Variants in SMYD1 observed in about 807,000 individuals in gnomAD.
SMYD1 encodes histone-lysine N-methyltransferase SMYD1.
SMYD1 carries 49 observed loss-of-function variants against 54.0 expected under a neutral mutation model. The ratio of observed to expected loss-of-function variants is 0.91; its 90% CI spans 0.72 to 1.15. The LOEUF (loss-of-function observed/expected upper bound fraction) is 1.15. Among genes scored for constraint, SMYD1 ranks in the 50% most tolerant of loss-of-function variants. The pLI is 0.00. For synonymous variants in SMYD1, 269 were observed against 234.2 expected, an observed-to-expected ratio of 1.15 and a Z score of -1.36; for missense variants, 653 against 639.6, an observed-to-expected ratio of 1.02 and a Z score of -0.23.
At chr2:88,075,887 T>C (rs188833038) in intron 1 of SMYD1, among the ~76,000 whole-genome samples, 3 of 152,236 alleles carry the variant, frequency 2.0e-5, no homozygotes, top group African/African-American at 4.8e-5. Flanking sequence ...AGTGCAAACA[T>C]GAATCTCATG....
At chr2:88,103,619 A>T (rs999324555) in intron 7 of SMYD1, among the ~76,000 whole-genome samples, 5 of 152,124 alleles carry the variant, frequency 3.3e-5, no homozygotes, top group Non-Finnish European at 7.3e-5. Context: ...CCTTTGAAAA[A>T]TTTTGATGCT....
intron 7 of SMYD1, among the ~76,000 whole-genome samples, chr2:88,104,003 G>A (rs1465434505): frequency 2.8e-5 from 4 of 142,532 alleles, no homozygotes; most frequent in African/African-American, 1.1e-4. Context: ...GTCTCGCTCT[G>A]TCACCCAGGC....
At chr2:88,096,236 T>C (rs1674582397) in intron 5 of SMYD1, among the ~76,000 whole-genome samples, 1 of 152,214 alleles carries the variant, frequency 6.6e-6, no homozygotes, top group African/African-American at 2.4e-5. Context: ...TTTTGCCTTA[T>C]TATTTCTCCC....
In SMYD1 at chr2:88,090,993, C is replaced by T. The variant is rs1388582931; in HGVS notation, c.529-19C>T. ...GTCCATGTCTGTCGACTGACTCTTT[C>T]ATCTTTTCCCCTGGGTAGATTAACT... On this transcript the variant is annotated intron_variant, in intron 3 of 9. Transcript: ENST00000419482. The T allele has an allele frequency of 1.2e-6, 2 of 1,605,822 alleles. No individual in the cohort carries two copies. Among genetic ancestry groups the T allele is most frequent in the South Asian group, 1.1e-5 (1 of 90,048 alleles).
chr2:88,106,254 A>G, intron 7 of SMYD1, 71 bp from the exon 8 acceptor site: 2 of 1,563,554 alleles, frequency 1.3e-6, no homozygotes, highest in East Asian at 2.3e-5. Context: ...TATCACCATG[A>G]TGGTCGCGTA....
intron 2 of SMYD1, 113 bp downstream of exon 2, chr2:88,084,605 C>A (rs1349380137): frequency 9.7e-7 from 1 of 1,029,534 alleles, no homozygotes; most frequent in Non-Finnish European, 1.4e-6. Flanking sequence ...AGTCAGGAAA[C>A]AGCCTCAAAG....
chr2:88,068,536 T>G (rs1673880149), intron 1 of SMYD1, among the ~76,000 whole-genome samples: 1 of 152,132 alleles, frequency 6.6e-6, no homozygotes, highest in Non-Finnish European at 1.5e-5. Context: ...TTCAATGTAT[T>G]TCCTTCTAGA....
intron 5 of SMYD1, among the ~76,000 whole-genome samples, chr2:88,095,307 T>C (rs1288697184): frequency 6.6e-6 from 1 of 152,212 alleles, no homozygotes; most frequent in African/African-American, 2.4e-5. Context: ...ACTTCAGTTT[T>C]GCAGGCTCCA....
rs559529045 is a variant in SMYD1, at chr2:88,109,285, C to T, written c.1314+746C>T. Reference sequence around the variant, plus strand: ...GCATGTGTGCGTGTGTGCATGCACACAGCCATTTATATTAGAAAGTATTCT... The same window carrying T: ...GCATGTGTGCGTGTGTGCATGCACATAGCCATTTATATTAGAAAGTATTCT... On this transcript the variant is annotated intron_variant, in intron 9 of 9. Coordinates refer to ENST00000419482, the MANE Select transcript of SMYD1 (RefSeq NM_198274.4). 5.4e-5 allele frequency among the ~76,000 whole-genome samples: 5 copies of T among 91,934 alleles called. No homozygotes were observed. The East Asian group carries it at 1.8e-3, about 34-fold the overall frequency. 60.3% of individuals were successfully genotyped at this position (91,934 alleles called of 152,430 possible).
At position 88,112,059 on chromosome 2, in the gene SMYD1, A is replaced by G. The variant is rs1273311554; in HGVS notation, c.*1547A>G. 1.4e-6 allele frequency: 1 copy of G among 703,142 alleles called. No homozygotes were observed. 43.6% of individuals were successfully genotyped at this position (703,142 alleles called of 1,614,324 possible). A position where few individuals can be genotyped will look rare whatever the true frequency, so the allele number is the denominator to read the frequency against. ...GGCCACACTTTTGCAAAATACTTGTATCTGACACTTAGGTCTTGTTTGAAG... is the reference window on the plus strand; with the variant it reads ...GGCCACACTTTTGCAAAATACTTGTGTCTGACACTTAGGTCTTGTTTGAAG... On this transcript the variant is annotated 3_prime_UTR_variant, in exon 10 of 10. Transcript: ENST00000419482.
At chr2:88,081,082 T>C (rs1001701913) in intron 1 of SMYD1, among the ~76,000 whole-genome samples, 1 of 152,124 alleles carries the variant, frequency 6.6e-6, no homozygotes, top group South Asian at 2.1e-4. Context: ...TTTGTATTTT[T>C]AGTAGGGACG....
chr2:88,092,387 G>C (rs1298366398), intron 4 of SMYD1, among the ~76,000 whole-genome samples: 1 of 152,132 alleles, frequency 6.6e-6, no homozygotes, highest in Non-Finnish European at 1.5e-5. Context: ...GGGGAATGAG[G>C]CCCGAGCAAT....
In SMYD1 at chr2:88,106,325, G is replaced by T. The variant is rs1229101337; in HGVS notation, c.982G>T (p.Val328Phe). The T allele has an allele frequency of 1.2e-6, 2 of 1,613,964 alleles. No individual in the cohort carries two copies. The highest frequency in any genetic ancestry group is 2.2e-5 in the East Asian group (1 of 44,894). Residue 328 changes from valine to phenylalanine, a missense_variant and splice_region_variant, in exon 8 of 10, where the codon GTT (valine) becomes TTT (phenylalanine). By Grantham distance (50) the Val-to-Phe change is conservative. Transcript: ENST00000419482. ...KARSEGLYHE[V>F]VKLCRECLEK... ...GGGCAGGGCCTCTGTCTCACTCTAG[G>T]TTGTGAAATTATGCCGGGAGTGCCT...
intron 1 of SMYD1, among the ~76,000 whole-genome samples, chr2:88,077,810 G>T (rs1473486594): frequency 6.8e-6 from 1 of 146,782 alleles, no homozygotes; most frequent in Non-Finnish European, 1.5e-5. Flanking sequence ...TGCAAGCTCC[G>T]CCTCCCAGGT....
At position 88,084,309 on chromosome 2, in the gene SMYD1, T is replaced by C. The variant is rs776766925; in HGVS notation, c.138-7T>C. The C allele has an allele frequency of 6.4e-7, 1 of 1,559,812 alleles. No homozygotes were observed. The highest frequency in any genetic ancestry group is 1.2e-5 in the South Asian group (1 of 86,522). ...CCCAATCATGTGTCTTCTTTCTCCA[T>C]TTCCAGCCTTGTTAATTTTGTGTGC... On this transcript the variant is annotated splice_polypyrimidine_tract_variant and splice_region_variant and intron_variant, in intron 1 of 9. Coordinates refer to ENST00000419482, the MANE Select transcript of SMYD1 (RefSeq NM_198274.4).
Position 88,111,895 on chromosome 2 carries a change from C to T in SMYD1, c.*1383C>T, listed in dbSNP as rs1675032160. On this transcript the variant is annotated 3_prime_UTR_variant, in exon 10 of 10. Coordinates refer to ENST00000419482, the MANE Select transcript of SMYD1 (RefSeq NM_198274.4). The stretch of plus-strand genomic sequence containing the variant: ...ACTACCATTGACCTCAGAGCTGTAC[C>T]CCACATCTTGAAGTAAATTGATCCC... 1.6e-6 allele frequency: 1 copy of T among 610,552 alleles called. No individual in the cohort carries two copies. The highest frequency in any genetic ancestry group is 3.0e-6 in the Non-Finnish European group (1 of 337,894). The allele number at this position is 610,552 out of a possible 1,614,324, so 37.8% of individuals were successfully genotyped here. A position where few individuals can be genotyped will look rare whatever the true frequency, so the allele number is the denominator to read the frequency against.
chr2:88,068,018 G>A lies in SMYD1; in HGVS notation c.137+17G>A, dbSNP rs910885525. The stretch of plus-strand genomic sequence containing the variant: ...TTTTGACAGGTATGAAATGTGGGGA[G>A]TTGCCTTCTCTCCTGTTAGTTTGGC... On this transcript the variant is annotated intron_variant, in intron 1 of 9. Transcript: ENST00000419482. The A allele has an allele frequency of 8.1e-6, 13 of 1,607,140 alleles. No homozygotes were observed. Among genetic ancestry groups the A allele is most frequent in the Non-Finnish European group, 1.0e-5 (12 of 1,176,330 alleles).
intron 1 of SMYD1, among the ~76,000 whole-genome samples, chr2:88,079,179 A>G (rs2103982933): frequency 6.6e-6 from 1 of 152,356 alleles, no homozygotes; most frequent in East Asian, 1.9e-4. Context: ...CCTGTCACCC[A>G]ATCTTGGGTG....
At chr2:88,068,274 G>C (rs1034587937) in intron 1 of SMYD1, among the ~76,000 whole-genome samples, 3 of 152,100 alleles carry the variant, frequency 2.0e-5, no homozygotes, top group Non-Finnish European at 2.9e-5. Flanking sequence ...TGGCTGAGAG[G>C]GTGTGCTGGG....
Sources: allele counts gnomAD v4.1 joint callset (sites outside exome capture counted in the v4.1 genomes callset), GRCh38; gene constraint gnomAD v4.1.1; transcripts MANE v1.5; gene names NCBI Gene and HGNC (gene_info 2026-07-23, HGNC 2026-07-21).